PTPRT: variants seen among roughly 807,000 people sequenced by gnomAD.
PTPRT encodes the protein protein tyrosine phosphatase receptor type T.
Under a neutral mutation model 176.8 loss-of-function variants are expected in PTPRT, and 56 were observed. The ratio of observed to expected loss-of-function variants is 0.32; its 90% CI spans 0.26 to 0.40. The LOEUF (loss-of-function observed/expected upper bound fraction) is 0.40, where lower values mean the gene tolerates loss of function less well. Ranked by LOEUF, PTPRT falls within the 10% of genes least tolerant of loss-of-function variation. PTPRT has a pLI of 1.00. For synonymous variants in PTPRT, 783 were observed against 739.0 expected (o/e 1.06, Z -0.96); for missense variants, 1,540 against 1,908.2 (o/e 0.81, Z 3.60).
In PTPRT at chr20:42,430,111, G is replaced by A. The variant is rs144897307; in HGVS notation, c.1560+18109C>T. Among the ~76,000 whole-genome samples, 159 of 152,322 alleles carry A rather than the reference G, an allele frequency of 1.0e-3. 1 individual carries two copies. The East Asian group carries it at 0.029, about 28-fold the overall frequency. On this transcript the variant is annotated intron_variant, in intron 9 of 30. Coordinates refer to ENST00000373187, the MANE Select transcript of PTPRT (RefSeq NM_007050.6). ...AAAATGATTTTGGTCTCTTCAGGGA[G>A]GGAAGTGTTGGTTTCTCTGATTCTA... is the stretch of plus-strand genomic sequence containing the variant.
chr20:42,302,131 G>A (rs1163434061), intron 12 of PTPRT, among the ~76,000 whole-genome samples: 1 of 152,078 alleles, frequency 6.6e-6, no homozygotes, highest in African/African-American at 2.4e-5. Context: ...AATACCCTCT[G>A]TACAACTCTC....
intron 6 of PTPRT, among the ~76,000 whole-genome samples, chr20:42,729,283 C>T (rs2076425445): frequency 1.3e-5 from 2 of 151,866 alleles, no homozygotes; most frequent in Admixed American, 6.6e-5. Flanking sequence ...GTCGGTCTAG[C>T]GGATGCTATT....
downstream of PTPRT, among the ~76,000 whole-genome samples, chr20:42,068,421 T>A (rs904204179): frequency 1.3e-5 from 2 of 152,332 alleles, no homozygotes; most frequent in East Asian, 3.9e-4. Context: ...TACCACTCCC[T>A]TCCTCTCTCT....
the PTPRT span, among the ~76,000 whole-genome samples, chr20:42,034,875 G>A: frequency 6.6e-6 from 1 of 152,076 alleles, no homozygotes; most frequent in South Asian, 2.1e-4. Flanking sequence ...GTTCAATGTG[G>A]GTCTTAAACC....
chr20:42,157,544 C>T (rs761203183), intron 17 of PTPRT, among the ~76,000 whole-genome samples: 2 of 152,010 alleles, frequency 1.3e-5, no homozygotes, highest in African/African-American at 2.4e-5. Context: ...AGGGGTTTCA[C>T]CATGTCGGCC....
At chr20:42,991,578 A>G (rs1055313423) in intron 1 of PTPRT, among the ~76,000 whole-genome samples, 6 of 152,234 alleles carry the variant, frequency 3.9e-5, no homozygotes, top group African/African-American at 1.2e-4. Context: ...GGAAATGGGA[A>G]GTTACTGTTT....
At chr20:42,176,120 T>G (rs1320710936) in intron 16 of PTPRT, among the ~76,000 whole-genome samples, 2 of 152,158 alleles carry the variant, frequency 1.3e-5, no homozygotes, top group African/African-American at 4.8e-5. Context: ...ATCATATCTG[T>G]GTTGTTTACT....
intron 11 of PTPRT, among the ~76,000 whole-genome samples, chr20:42,327,172 T>C (rs1249018455): frequency 1.3e-5 from 2 of 151,454 alleles, no homozygotes; most frequent in African/African-American, 4.9e-5. Flanking sequence ...CATAAATTAA[T>C]GAAAAAGAAA....
chr20:42,456,339 T>G (rs2070924269), intron 8 of PTPRT, among the ~76,000 whole-genome samples: 1 of 152,046 alleles, frequency 6.6e-6, no homozygotes, highest in Non-Finnish European at 1.5e-5. Context: ...CATCTGTAGT[T>G]AATAATAGTT....
chr20:42,703,603 T>C lies in PTPRT; in HGVS notation c.860-25444A>G, dbSNP rs188704678. On this transcript the variant is annotated intron_variant, in intron 6 of 30. Transcript: ENST00000373187. ...CCTTTTACTGCAACCCAGGTTTTAT[T>C]TATTAAACCTCAGCTCTTGGAAGAC... Among the ~76,000 whole-genome samples, 3 of 152,232 alleles carry C rather than the reference T, an allele frequency of 2.0e-5. No homozygotes were observed. The East Asian group carries it at 5.8e-4, about 29-fold the overall frequency.
At chr20:42,678,282 T>A in intron 6 of PTPRT, 123 bp from the exon 7 acceptor site, 1 of 875,794 alleles carries the variant, frequency 1.1e-6, no homozygotes, top group Non-Finnish European at 1.7e-6. Flanking sequence ...CAGAAACCCC[T>A]TTTTGTTTTA....
chr20:42,687,000 T>C (rs898151342), intron 6 of PTPRT, among the ~76,000 whole-genome samples: 7 of 152,150 alleles, frequency 4.6e-5, no homozygotes, highest in Non-Finnish European at 8.8e-5. Flanking sequence ...ACTGGGGATA[T>C]AGTAACATCT....
At chr20:42,198,189 T>C (rs531163175) in intron 16 of PTPRT, among the ~76,000 whole-genome samples, 4 of 152,214 alleles carry the variant, frequency 2.6e-5, no homozygotes, top group Non-Finnish European at 5.9e-5. Context: ...GGCTCTGAGA[T>C]GGCTGGCCAA....
At chr20:42,135,016 G>A (rs908380981) in intron 18 of PTPRT, among the ~76,000 whole-genome samples, 3 of 152,180 alleles carry the variant, frequency 2.0e-5, no homozygotes, top group Non-Finnish European at 2.9e-5. Context: ...TGGCAGTTGC[G>A]CCTGGATCCT....
chr20:42,209,978 C>A lies in PTPRT; in HGVS notation c.2343-10590G>T, dbSNP rs939635739. 4.9e-3 allele frequency among the ~76,000 whole-genome samples: 746 copies of A among 152,276 alleles called. 4 individuals carry two copies. The highest frequency in any genetic ancestry group is 0.017 in the African/African-American group (714 of 41,556). On this transcript the variant is annotated intron_variant, in intron 15 of 30. Coordinates refer to ENST00000373187, the MANE Select transcript of PTPRT (RefSeq NM_007050.6). ...TCAAGTGGGCTTCCTCCCTGGGATG[C>A]AAGGCTGGTTCAATATACGCAAATC...
chr20:42,980,010 A>C (rs1028826963), intron 1 of PTPRT, among the ~76,000 whole-genome samples: 1 of 151,024 alleles, frequency 6.6e-6, no homozygotes. Context: ...TCTTCCTGAG[A>C]GAAAGCAATT....
chr20:42,176,490 A>C (rs889642555), intron 16 of PTPRT, among the ~76,000 whole-genome samples: 4 of 152,152 alleles, frequency 2.6e-5, no homozygotes, highest in African/African-American at 9.7e-5. Flanking sequence ...GGAGTTTCTC[A>C]TTGGCTCCAG....
intron 1 of PTPRT, among the ~76,000 whole-genome samples, chr20:42,988,784 AACC>A (rs1183704238): frequency 6.6e-6 from 1 of 152,192 alleles, no homozygotes; most frequent in Non-Finnish European, 1.5e-5. Flanking sequence ...GTAAAGAGTC[AACC>A]GGAGGGACAT....
intron 1 of PTPRT, among the ~76,000 whole-genome samples, chr20:43,051,952 A>G (rs967355490): frequency 4.6e-5 from 7 of 152,242 alleles, no homozygotes; most frequent in African/African-American, 1.7e-4. Context: ...TTAAAAAGCT[A>G]AACTTTTAAA....
Sources: allele counts gnomAD v4.1 joint callset (sites outside exome capture counted in the v4.1 genomes callset), GRCh38; gene constraint gnomAD v4.1.1; transcripts MANE v1.5; gene names NCBI Gene and HGNC (gene_info 2026-07-23, HGNC 2026-07-21).